TAS2R1: variants seen among roughly 807,000 people sequenced by gnomAD.
TAS2R1 encodes taste receptor type 2 member 1.
For synonymous variants in TAS2R1, 141 were observed against 134.2 expected, an observed-to-expected ratio of 1.05 and a Z score of -0.35; for missense variants, 370 against 353.4, an observed-to-expected ratio of 1.05 and a Z score of -0.38.
intron 1 of TAS2R1, among the ~76,000 whole-genome samples, chr5:9,681,447 C>T (rs1740993184): frequency 6.7e-6 from 1 of 148,604 alleles, no homozygotes; most frequent in East Asian, 2.0e-4. Context: ...AAACTTCATC[C>T]TTAGTACTGA....
the TAS2R1 span, among the ~76,000 whole-genome samples, chr5:9,807,143 T>C: frequency 2.6e-5 from 4 of 152,006 alleles, no homozygotes; most frequent in East Asian, 5.8e-4. Flanking sequence ...AACAAGCATA[T>C]GAAAAAAATA....
At chr5:9,656,976 G>A (rs543703488) in intron 2 of TAS2R1, among the ~76,000 whole-genome samples, 12 of 152,038 alleles carry the variant, frequency 7.9e-5, no homozygotes, top group East Asian at 7.7e-4. Flanking sequence ...AAAACTTAAC[G>A]ATGATATATA....
chr5:9,627,977 A>C lies in TAS2R1; in HGVS notation c.*1156T>G, dbSNP rs41467. Among the ~76,000 whole-genome samples, 102,742 of 151,630 alleles carry C rather than the reference A, an allele frequency of 0.68. 36,416 individuals carry two copies. Among genetic ancestry groups the C allele is most frequent in the African/African-American group, 0.89 (36,703 of 41,398 alleles). On this transcript the variant is annotated 3_prime_UTR_variant, in exon 1 of 1. Coordinates refer to ENST00000382492, the MANE Select transcript of TAS2R1 (RefSeq NM_019599.3). Reference sequence around the variant, plus strand: ...TTGGGTTCCTATTACTGGTGATTGAAAAATCTAAACCTAAACCTGCTTTGC... The same window carrying C: ...TTGGGTTCCTATTACTGGTGATTGACAAATCTAAACCTAAACCTGCTTTGC...
chr5:9,646,008 T>C (rs1424831505), intron 2 of TAS2R1, among the ~76,000 whole-genome samples: 1 of 152,154 alleles, frequency 6.6e-6, no homozygotes. Flanking sequence ...TATAGAAAGG[T>C]AATGATGTAT....
chr5:9,632,489 T>C (rs1027315909), upstream of TAS2R1, among the ~76,000 whole-genome samples: 1 of 152,210 alleles, frequency 6.6e-6, no homozygotes, highest in Non-Finnish European at 1.5e-5. Context: ...AAGACCTCTC[T>C]GTAGCATGTG....
At chr5:9,715,438 C>A (rs1561387202), upstream of TAS2R1, among the ~76,000 whole-genome samples, 1 of 152,168 alleles carries the variant, frequency 6.6e-6, no homozygotes, top group Non-Finnish European at 1.5e-5. Flanking sequence ...CCATTGGAAG[C>A]AACAACAGAG....
chr5:9,653,161 T>C (rs1740340342), intron 2 of TAS2R1, among the ~76,000 whole-genome samples: 1 of 152,222 alleles, frequency 6.6e-6, no homozygotes, highest in South Asian at 2.1e-4. Context: ...GTGACTAGCT[T>C]ATTTCACTTG....
At chr5:9,848,908 C>G in the TAS2R1 span, among the ~76,000 whole-genome samples, 1 of 152,190 alleles carries the variant, frequency 6.6e-6, no homozygotes, top group African/African-American at 2.4e-5. Flanking sequence ...TCCATTACTT[C>G]CTTCAGGAAA....
the TAS2R1 span, among the ~76,000 whole-genome samples, chr5:9,796,728 A>G: frequency 1.0e-5 from 1 of 96,126 alleles, no homozygotes; most frequent in Non-Finnish European, 2.6e-5. Context: ...CTGGAAAAAA[A>G]AAAAAAAAAA....
At chr5:9,635,348 T>C (rs12520316), upstream of TAS2R1, among the ~76,000 whole-genome samples, 32,836 of 151,996 alleles carry the variant, frequency 0.22, 3,638 homozygotes, top group Non-Finnish European at 0.23. Flanking sequence ...TTTGGTTGGC[T>C]AGTATTTTGT....
At chr5:9,784,868 AGTAT>A in the TAS2R1 span, among the ~76,000 whole-genome samples, 2 of 152,202 alleles carry the variant, frequency 1.3e-5, no homozygotes, top group African/African-American at 4.8e-5. Flanking sequence ...ACCCTACTCT[AGTAT>A]GACCTCATCT....
the TAS2R1 span, among the ~76,000 whole-genome samples, chr5:9,821,878 A>C: frequency 6.6e-6 from 1 of 152,228 alleles, no homozygotes; most frequent in African/African-American, 2.4e-5. Context: ...AAAGATATTA[A>C]AATCACTCCA....
chr5:9,674,447 G>C (rs1172365490), intron 1 of TAS2R1, among the ~76,000 whole-genome samples: 1 of 151,964 alleles, frequency 6.6e-6, no homozygotes, highest in Non-Finnish European at 1.5e-5. Flanking sequence ...AATTATATAT[G>C]GTTAGAACCT....
the TAS2R1 span, among the ~76,000 whole-genome samples, chr5:9,866,656 C>T: frequency 1.3e-5 from 2 of 152,190 alleles, no homozygotes; most frequent in African/African-American, 4.8e-5. Flanking sequence ...AACCAAAAAC[C>T]TGCAGTAATC....
the TAS2R1 span, chr5:9,854,464 A>G: frequency 1.3e-5 from 2 of 152,180 alleles, no homozygotes; most frequent in Non-Finnish European, 2.9e-5. Context: ...CAATATTTCC[A>G]TAACAGTCTG....
the TAS2R1 span, among the ~76,000 whole-genome samples, chr5:9,861,851 C>A: frequency 6.6e-6 from 1 of 152,194 alleles, no homozygotes; most frequent in South Asian, 2.1e-4. Context: ...AGCATTGCTA[C>A]AAAATACTCA....
chr5:9,883,230 A>G, the TAS2R1 span: 1 of 152,116 alleles, frequency 6.6e-6, no homozygotes, highest in Admixed American at 6.6e-5. Flanking sequence ...TGTCCGGGGT[A>G]CAGGGGGAGG....
At chr5:9,842,740 A>G in the TAS2R1 span, among the ~76,000 whole-genome samples, 3 of 151,916 alleles carry the variant, frequency 2.0e-5, no homozygotes, top group South Asian at 4.1e-4. Context: ...CTAGTTTTCC[A>G]TGGGTCCTAA....
chr5:9,728,287 G>A, the TAS2R1 span, among the ~76,000 whole-genome samples: 1 of 152,146 alleles, frequency 6.6e-6, no homozygotes, highest in Non-Finnish European at 1.5e-5. Flanking sequence ...ATACACAAAT[G>A]AAGATGCAAT....
Sources: allele counts gnomAD v4.1 joint callset (sites outside exome capture counted in the v4.1 genomes callset), GRCh38; gene constraint gnomAD v4.1.1; transcripts MANE v1.5; gene names NCBI Gene and HGNC (gene_info 2026-07-23, HGNC 2026-07-21).